DGKI: variants seen among roughly 807,000 people sequenced by gnomAD.
DGKI encodes the protein DAG kinase iota.
A neutral mutation model predicts 147.5 loss-of-function variants in DGKI; 55 were observed. The ratio of observed to expected loss-of-function variants is 0.37; its 90% CI spans 0.30 to 0.47. DGKI has a LOEUF of 0.47. Among genes scored for constraint, DGKI ranks in the 20% least tolerant of loss-of-function variants. The pLI is 1.00. For synonymous variants in DGKI, 469 were observed against 477.1 expected (o/e 0.98, Z 0.22); for missense variants, 1,007 against 1,323.8 (o/e 0.76, Z 3.71).
intron 1 of DGKI, among the ~76,000 whole-genome samples, chr7:137,753,059 C>A (rs1795558514): frequency 6.6e-6 from 1 of 152,108 alleles, no homozygotes. Context: ...CACACACACA[C>A]ACACACGCAC....
intron 23 of DGKI, among the ~76,000 whole-genome samples, chr7:137,479,131 T>C (rs1815281240): frequency 6.6e-6 from 1 of 152,202 alleles, no homozygotes; most frequent in African/African-American, 2.4e-5. Flanking sequence ...TTGCCCATTT[T>C]GGATCTGTGA....
chr7:137,550,584 T>A (rs919337550), intron 20 of DGKI, among the ~76,000 whole-genome samples: 1 of 151,004 alleles, frequency 6.6e-6, no homozygotes, highest in East Asian at 1.9e-4. Context: ...AAGAAAAAAA[T>A]TCTTTTTATG....
At chr7:137,521,212 C>T (rs770094699) in intron 21 of DGKI, among the ~76,000 whole-genome samples, 3 of 151,936 alleles carry the variant, frequency 2.0e-5, no homozygotes, top group Non-Finnish European at 1.5e-5. Flanking sequence ...TCAGAATGTA[C>T]CAGATTGTAA....
rs148075323 is a variant in DGKI at position 137,383,514 on chromosome 7, T to G, written c.*7706A>C. Reference sequence around the variant, plus strand: ...CTGTTCCAGTCTAAAATTATAGACATTTAAACCAAGAAAATCTCACAGAGT... The same window carrying G: ...CTGTTCCAGTCTAAAATTATAGACAGTTAAACCAAGAAAATCTCACAGAGT... On this transcript the variant is annotated 3_prime_UTR_variant, in exon 33 of 33. Transcript: ENST00000614521. 4.7e-4 allele frequency: 71 copies of G among 151,908 alleles called. No homozygotes were observed. Among genetic ancestry groups the G allele is most frequent in the African/African-American group, 1.7e-3 (70 of 41,468 alleles). 9.4% of individuals were successfully genotyped at this position (151,908 alleles called of 1,614,324 possible).
intron 3 of DGKI, among the ~76,000 whole-genome samples, chr7:137,662,532 C>T (rs1379776707): frequency 9.7e-3 from 2 of 206 alleles, no homozygotes; most frequent in Admixed American, 0.062. Context: ...CGTGAGCCAC[C>T]GCGCCCGGCC....
At chr7:137,569,916 A>G (rs1818738068) in intron 19 of DGKI, among the ~76,000 whole-genome samples, 1 of 152,046 alleles carries the variant, frequency 6.6e-6, no homozygotes, top group African/African-American at 2.4e-5. Flanking sequence ...CCCCAGTCCA[A>G]TCTTTTCTAC....
chr7:137,541,722 C>G (rs891660323), intron 20 of DGKI, among the ~76,000 whole-genome samples: 2 of 152,044 alleles, frequency 1.3e-5, no homozygotes, highest in African/African-American at 4.8e-5. Flanking sequence ...ACATTAACCT[C>G]AAGCTAAATG....
At chr7:137,540,866 A>T (rs896466404) in intron 20 of DGKI, among the ~76,000 whole-genome samples, 1 of 151,212 alleles carries the variant, frequency 6.6e-6, no homozygotes. Context: ...TATGCAAAAA[A>T]CTACCAAGAA....
chr7:137,607,742 G>A (rs1820229987), intron 10 of DGKI, among the ~76,000 whole-genome samples: 1 of 152,078 alleles, frequency 6.6e-6, no homozygotes, highest in East Asian at 1.9e-4. Flanking sequence ...GTATTGTTCA[G>A]GGAAAATTAA....
chr7:137,404,684 A>G (rs945871137), intron 30 of DGKI, among the ~76,000 whole-genome samples: 24 of 152,152 alleles, frequency 1.6e-4, no homozygotes, highest in Admixed American at 1.3e-3. Flanking sequence ...TACTGTGAAC[A>G]TTGTGTTTCT....
At chr7:137,517,323 G>GAAAGAAAGAAAGAAAGAA (rs1563064007) in intron 21 of DGKI, among the ~76,000 whole-genome samples, 27 of 99,770 alleles carry the variant, frequency 2.7e-4, no homozygotes, top group South Asian at 1.6e-3. Flanking sequence ...AAGAAAGAAA[G>GAAAGAAAGAAAGAAAGAA]AAAGAAAGAA....
intron 1 of DGKI, among the ~76,000 whole-genome samples, chr7:137,710,674 G>A (rs1292542451): frequency 6.6e-6 from 1 of 152,078 alleles, no homozygotes; most frequent in Non-Finnish European, 1.5e-5. Context: ...GTAAGTTTTA[G>A]AAGATAATAC....
chr7:137,549,487 AAC>A (rs138316106), intron 20 of DGKI, among the ~76,000 whole-genome samples: 1 of 151,254 alleles, frequency 6.6e-6, no homozygotes, highest in Non-Finnish European at 1.5e-5. Flanking sequence ...TCTTACTGGG[AAC>A]ACACACACAC....
chr7:137,578,365 C>G, intron 15 of DGKI, 40 bp from the exon 16 acceptor site: 1 of 1,493,338 alleles, frequency 6.7e-7, no homozygotes, highest in African/African-American at 1.4e-5. Flanking sequence ...GGAGACCTCA[C>G]TAAAGGTAGC....
intron 28 of DGKI, among the ~76,000 whole-genome samples, chr7:137,427,578 CA>C (rs1187614916): frequency 6.6e-6 from 1 of 151,962 alleles, no homozygotes; most frequent in Non-Finnish European, 1.5e-5. Flanking sequence ...AATAGTGACA[CA>C]AAAAACCCTT....
Position 137,463,600 on chromosome 7 carries a change from C to A in DGKI, c.2624G>T (p.Trp875Leu). 4.3e-6 allele frequency: 7 copies of A among 1,614,116 alleles called. No homozygotes were observed. Among genetic ancestry groups the A allele is most frequent in the Non-Finnish European group, 5.9e-6 (7 of 1,179,988 alleles). Residue 875 changes from tryptophan (W) to leucine (L), a missense_variant, in exon 27 of 33, where the codon TGG becomes TTG. Coordinates refer to ENST00000614521, the MANE Select transcript of DGKI (RefSeq NM_001321708.2). ...VVEQASGISDWWNPALRKRML... is the reference protein window; with the variant it reads ...VVEQASGISDLWNPALRKRML... ...GCGTTTCCGCAGGGCAGGATTCCAC[C>A]AGTCTGAGATCCTGAGAGAAAGAAG...
chr7:137,440,748 A>G (rs1255619857), intron 28 of DGKI, among the ~76,000 whole-genome samples: 1 of 152,216 alleles, frequency 6.6e-6, no homozygotes, highest in Non-Finnish European at 1.5e-5. Flanking sequence ...CTTCTGCATA[A>G]TAAGCACTCA....
chr7:137,589,864 T>A (rs925505892), intron 12 of DGKI, among the ~76,000 whole-genome samples: 6 of 152,162 alleles, frequency 3.9e-5, no homozygotes, highest in Non-Finnish European at 7.4e-5. Flanking sequence ...TCCTTTATGA[T>A]TTGTGCTCCC....
rs1341672039 is a variant in DGKI at position 137,645,498 on chromosome 7, C to T, written c.778G>A (p.Glu260Lys). The change falls in exon 6 of 33, where the codon GAG becomes AAG. Residue 260 changes from glutamate to lysine, a missense_variant. Physicochemically the swap from Glu to Lys is moderately conservative, Grantham distance 56 (BLOSUM62 1). Coordinates refer to ENST00000614521, the MANE Select transcript of DGKI (RefSeq NM_001321708.2). ...RHHWVHRRRQ[E>K]GKCKQCGKGF... is the part of the protein sequence containing the mutation. ...TTACCACACTGCTTACATTTCCCCT[C>T]CTGCCGACGCCTGTGCACCCAGTGA... The T allele has an allele frequency of 6.2e-7, 1 of 1,613,552 alleles. No homozygotes were observed. Among genetic ancestry groups the T allele is most frequent in the Non-Finnish European group, 8.5e-7 (1 of 1,179,724 alleles).
Sources: gnomAD v4.1 joint callset for allele counts (sites outside exome capture counted in the v4.1 genomes callset) on GRCh38, gnomAD v4.1.1 for gene constraint, MANE v1.5 for transcripts, NCBI Gene and HGNC (gene_info 2026-07-23, HGNC 2026-07-21) for gene names.